Variants in ARIH1 observed in about 807,000 individuals in gnomAD.
ARIH1 encodes the protein ariadne RBR E3 ubiquitin protein ligase 1, also known as E3 ubiquitin-protein ligase ARIH1.
Under a neutral mutation model 85.0 loss-of-function variants are expected in ARIH1, and 8 were observed. The ratio of observed to expected loss-of-function variants is 0.09; its 90% CI spans 0.06 to 0.17. ARIH1 has a LOEUF of 0.17. ARIH1 is among the 10% of genes least tolerant of loss of function. The pLI is 1.00. For missense variants in ARIH1, 311 were observed against 718.1 expected, an observed-to-expected ratio of 0.43 and a Z score of 6.48; for synonymous variants, 238 against 253.6, an observed-to-expected ratio of 0.94 and a Z score of 0.59.
chr15:72,487,153 C>G lies in ARIH1; in HGVS notation c.375+12139C>G, dbSNP rs539135443. ...TTTGCTCTGTTCCATTTAAAAGTGT[C>G]AGAAGTGCCCTGACAATACATTTTG... On this transcript the variant is annotated intron_variant, in intron 1 of 13. Transcript: ENST00000379887. 5.4e-4 allele frequency among the ~76,000 whole-genome samples: 82 copies of G among 151,958 alleles called. 1 individual carries two copies. Among genetic ancestry groups the G allele is most frequent in the Non-Finnish European group, 1.1e-3 (73 of 67,978 alleles).
Position 72,558,602 on chromosome 15 carries a change from A to G in ARIH1, c.737+2695A>G, listed in dbSNP as rs75710991. Among the ~76,000 whole-genome samples, 27 of 152,312 alleles carry G rather than the reference A, an allele frequency of 1.8e-4. No individual in the cohort carries two copies. The East Asian group carries it at 5.0e-3, about 28-fold the overall frequency. ...CAGGCGTGAGCCACCAAGCCTGGCC[A>G]ATAACTATTTTCAATTTGTGATGGT... On this transcript the variant is annotated intron_variant, in intron 5 of 13. Transcript: ENST00000379887.
At chr15:72,537,074 A>G (rs2064085419) in intron 2 of ARIH1, among the ~76,000 whole-genome samples, 1 of 151,588 alleles carries the variant, frequency 6.6e-6, no homozygotes, top group Non-Finnish European at 1.5e-5. Context: ...GCTGTTACAG[A>G]TTTGTGTGAG....
chr15:72,504,716 C>T (rs958304719), intron 1 of ARIH1, among the ~76,000 whole-genome samples: 2 of 152,164 alleles, frequency 1.3e-5, no homozygotes, highest in Admixed American at 6.5e-5. Context: ...AATCGGCAGA[C>T]GGAAGTTCTC....
intron 5 of ARIH1, among the ~76,000 whole-genome samples, chr15:72,556,263 T>TA (rs1424533281): frequency 1.3e-5 from 2 of 152,186 alleles, no homozygotes; most frequent in Non-Finnish European, 2.9e-5. Context: ...CAGGAGCAGA[T>TA]AGACATTGAT....
intron 1 of ARIH1, among the ~76,000 whole-genome samples, chr15:72,503,126 A>G (rs1209595756): frequency 1.3e-5 from 2 of 152,146 alleles, no homozygotes; most frequent in African/African-American, 2.4e-5. Context: ...TTCTCAGACT[A>G]TTTTGCATTT....
intron 5 of ARIH1, among the ~76,000 whole-genome samples, chr15:72,560,149 C>A (rs1370432865): frequency 1.3e-5 from 2 of 152,136 alleles, no homozygotes; most frequent in Non-Finnish European, 2.9e-5. Flanking sequence ...TGAACACTTT[C>A]TACAGGCGTA....
chr15:72,513,721 G>C (rs1413267217), intron 1 of ARIH1, among the ~76,000 whole-genome samples: 7 of 5,292 alleles, frequency 1.3e-3, no homozygotes, highest in East Asian at 5.2e-3. Context: ...CCCTCCCCCT[G>C]TCCCTCCTTC....
intron 1 of ARIH1, among the ~76,000 whole-genome samples, chr15:72,517,567 G>A (rs891663811): frequency 5.9e-5 from 9 of 151,988 alleles, no homozygotes; most frequent in Non-Finnish European, 1.5e-5. Context: ...TGGGACTACA[G>A]GTGTGTACCA....
chr15:72,478,374 C>T (rs1009860676), intron 1 of ARIH1, among the ~76,000 whole-genome samples: 1 of 152,158 alleles, frequency 6.6e-6, no homozygotes, highest in African/African-American at 2.4e-5. Context: ...AGCTGGGCCT[C>T]CCAAAGTGCT....
chr15:72,494,593 T>G (rs1567339012), intron 1 of ARIH1, among the ~76,000 whole-genome samples: 3 of 152,174 alleles, frequency 2.0e-5, no homozygotes, highest in Admixed American at 2.0e-4. Flanking sequence ...TGAGATGGAC[T>G]TAATTCACTA....
At chr15:72,522,998 G>T (rs1391166737) in intron 2 of ARIH1, among the ~76,000 whole-genome samples, 1 of 152,154 alleles carries the variant, frequency 6.6e-6, no homozygotes. Context: ...ACCAAATGTG[G>T]ACCAGGATGT....
intron 1 of ARIH1, among the ~76,000 whole-genome samples, chr15:72,488,023 T>C (rs1466436601): frequency 1.3e-5 from 2 of 152,062 alleles, no homozygotes. Flanking sequence ...TTTGATACCT[T>C]TTCTTTTCTT....
chr15:72,475,110 G>T (rs868628216), intron 1 of ARIH1, 96 bp downstream of exon 1: 17 of 1,494,686 alleles, frequency 1.1e-5, no homozygotes, highest in Middle Eastern at 2.0e-4. Context: ...GGCCTGGTGC[G>T]CAGCCTAGCC....
At chr15:72,508,825 C>A (rs1049552024) in intron 1 of ARIH1, among the ~76,000 whole-genome samples, 1 of 151,810 alleles carries the variant, frequency 6.6e-6, no homozygotes, top group Admixed American at 6.6e-5. Context: ...TCCCGAGTAG[C>A]TGGGACTACA....
chr15:72,560,942 A>C (rs2064194920), intron 5 of ARIH1, among the ~76,000 whole-genome samples: 2 of 152,186 alleles, frequency 1.3e-5, no homozygotes, highest in Non-Finnish European at 1.5e-5. Context: ...TGTTCAGAAG[A>C]GGCCAGGATG....
At chr15:72,475,346 CG>C (rs2063790465) in intron 1 of ARIH1, among the ~76,000 whole-genome samples, 1 of 152,090 alleles carries the variant, frequency 6.6e-6, no homozygotes, top group Non-Finnish European at 1.5e-5. Context: ...CCTACTGGGG[CG>C]GGGCGGAGGA....
rs776942804 is a variant in ARIH1, at chr15:72,583,201, A to G, written c.1590-7A>G. 6.4e-7 allele frequency: 1 copy of G among 1,572,112 alleles called. No homozygotes were observed. The highest frequency in any genetic ancestry group is 1.2e-5 in the South Asian group (1 of 86,434). On this transcript the variant is annotated splice_polypyrimidine_tract_variant and splice_region_variant and intron_variant, in intron 13 of 13. Coordinates refer to ENST00000379887, the MANE Select transcript of ARIH1 (RefSeq NM_005744.5). ...ACAAGTTTTTTTTTTTTTCTCTTTG[A>G]TTACAGATACTGTGAGAGTCGACGA...
chr15:72,502,909 T>C (rs937678911), intron 1 of ARIH1, among the ~76,000 whole-genome samples: 2 of 152,208 alleles, frequency 1.3e-5, no homozygotes, highest in Admixed American at 6.5e-5. Flanking sequence ...AAGAATATTA[T>C]CCTCAACATT....
intron 1 of ARIH1, among the ~76,000 whole-genome samples, chr15:72,507,462 C>A (rs1387867939): frequency 6.6e-6 from 1 of 152,084 alleles, no homozygotes; most frequent in South Asian, 2.1e-4. Flanking sequence ...TGGTAATGCC[C>A]AGGTGTCCCC....
Sources: allele counts gnomAD v4.1 joint callset (sites outside exome capture counted in the v4.1 genomes callset), GRCh38; gene constraint gnomAD v4.1.1; transcripts MANE v1.5; gene names NCBI Gene and HGNC (gene_info 2026-07-23, HGNC 2026-07-21).